C8orf34: variants seen among roughly 807,000 people sequenced by gnomAD.
C8orf34 encodes the protein uncharacterized protein C8orf34.
In C8orf34, 65 loss-of-function variants were observed where a neutral mutation model predicts 68.3. The observed-to-expected ratio is 0.95, with a 90% confidence interval of 0.78 to 1.17. The LOEUF is 1.17. C8orf34 is among the 50% of genes most tolerant of loss of function. C8orf34 has a pLI of 0.00. For missense variants in C8orf34, 664 were observed against 655.4 expected, an observed-to-expected ratio of 1.01 and a Z score of -0.14; for synonymous variants, 244 against 241.2, an observed-to-expected ratio of 1.01 and a Z score of -0.11.
rs139156278 is a variant in C8orf34, at chr8:68,724,404, C to G, written c.1404+2967C>G. ...CCATTTAAGGTAGTTTCAACACAGG[C>G]TGTCTCTATTTGCTAACTTTCCATG... is the stretch of plus-strand genomic sequence containing the variant. On this transcript the variant is annotated intron_variant, in intron 10 of 13. Coordinates refer to ENST00000518698, the MANE Select transcript of C8orf34 (RefSeq NM_052958.4). Among the ~76,000 whole-genome samples the G allele has an allele frequency of 2.5e-3, 383 of 152,254 alleles. 3 individuals are homozygous for G. Among genetic ancestry groups the G allele is most frequent in the African/African-American group, 9.1e-3 (378 of 41,544 alleles).
chr8:68,451,970 T>G (rs1328984147), intron 3 of C8orf34, among the ~76,000 whole-genome samples: 5 of 152,014 alleles, frequency 3.3e-5, no homozygotes, highest in African/African-American at 9.7e-5. Context: ...GAAATCACAA[T>G]GTATGACCTT....
At chr8:68,429,218 C>A (rs1810351212) in intron 1 of C8orf34, among the ~76,000 whole-genome samples, 1 of 151,966 alleles carries the variant, frequency 6.6e-6, no homozygotes, top group South Asian at 2.1e-4. Flanking sequence ...AAAAGAAAGG[C>A]ATTAAGTAGA....
At chr8:68,631,858 G>A (rs376248012) in intron 7 of C8orf34, among the ~76,000 whole-genome samples, 2 of 152,140 alleles carry the variant, frequency 1.3e-5, no homozygotes, top group African/African-American at 4.8e-5. Flanking sequence ...TAAGTTTCTT[G>A]AGACCTCCTC....
At chr8:68,812,501 G>C (rs1050358357) in intron 12 of C8orf34, among the ~76,000 whole-genome samples, 2 of 151,752 alleles carry the variant, frequency 1.3e-5, no homozygotes, top group Non-Finnish European at 2.9e-5. Flanking sequence ...TTCCATATTA[G>C]GACACATAGG....
chr8:68,362,620 C>T (rs557737928), intron 1 of C8orf34, among the ~76,000 whole-genome samples: 6 of 152,164 alleles, frequency 3.9e-5, no homozygotes, highest in South Asian at 2.1e-4. Context: ...GGAGGCACCC[C>T]CCAGCAGGGG....
intron 7 of C8orf34, among the ~76,000 whole-genome samples, chr8:68,592,591 C>G (rs1817423994): frequency 1.2e-5 from 1 of 86,492 alleles, no homozygotes; most frequent in African/African-American, 4.5e-5. Context: ...ATCAATTTAT[C>G]TCTTCTTTTT....
intron 13 of C8orf34, 131 bp downstream of exon 13, chr8:68,816,076 T>C: frequency 6.9e-7 from 1 of 1,455,518 alleles, no homozygotes; most frequent in Non-Finnish European, 9.4e-7. Context: ...TCTCCAAGTA[T>C]CCTGCATAAG....
intron 8 of C8orf34, among the ~76,000 whole-genome samples, chr8:68,656,725 C>G (rs1213393220): frequency 1.3e-5 from 2 of 152,158 alleles, no homozygotes; most frequent in Admixed American, 6.5e-5. Context: ...ATGCCTATCC[C>G]CTTTACTCCA....
chr8:68,472,335 G>A (rs1269037151), intron 4 of C8orf34, among the ~76,000 whole-genome samples: 1 of 152,092 alleles, frequency 6.6e-6, no homozygotes, highest in Non-Finnish European at 1.5e-5. Context: ...CATCTCAATA[G>A]TCATTTACTG....
chr8:68,520,617 A>ATTTTTTTTT (rs34335751), intron 5 of C8orf34, among the ~76,000 whole-genome samples: 1 of 134,258 alleles, frequency 7.4e-6, no homozygotes, highest in Non-Finnish European at 1.6e-5. Context: ...CGCCCGGCTA[A>ATTTTTTTTT]TTTTTTTTTT....
intron 8 of C8orf34, among the ~76,000 whole-genome samples, chr8:68,688,079 AC>A (rs1253615398): frequency 1.3e-5 from 2 of 152,128 alleles, no homozygotes; most frequent in African/African-American, 4.8e-5. Context: ...ATGATGGGAC[AC>A]CACCTTACTC....
At chr8:68,719,870 C>T (rs1821619646) in intron 9 of C8orf34, among the ~76,000 whole-genome samples, 1 of 151,888 alleles carries the variant, frequency 6.6e-6, no homozygotes, top group African/African-American at 2.4e-5. Flanking sequence ...ACAAGCAAAA[C>T]AAGAAACATA....
At chr8:68,345,142 T>A (rs1376807668) in intron 1 of C8orf34, among the ~76,000 whole-genome samples, 1 of 151,846 alleles carries the variant, frequency 6.6e-6, no homozygotes, top group East Asian at 1.9e-4. Flanking sequence ...ATTCCTAGAT[T>A]GGCTTAAAAA....
chr8:68,724,089 T>A (rs1480003794), intron 10 of C8orf34, among the ~76,000 whole-genome samples: 1 of 152,130 alleles, frequency 6.6e-6, no homozygotes, highest in Non-Finnish European at 1.5e-5. Context: ...AGCAGACAAT[T>A]TCTAGATGGT....
At chr8:68,464,267 G>C (rs970854664) in intron 3 of C8orf34, among the ~76,000 whole-genome samples, 1 of 152,066 alleles carries the variant, frequency 6.6e-6, no homozygotes, top group African/African-American at 2.4e-5. Context: ...TCTTCAAGGA[G>C]AACTACAAAC....
intron 10 of C8orf34, among the ~76,000 whole-genome samples, chr8:68,760,648 A>G (rs1442216553): frequency 6.6e-6 from 1 of 152,238 alleles, no homozygotes; most frequent in Admixed American, 6.5e-5. Flanking sequence ...AGGATTTCAT[A>G]ACTCACAGTA....
chr8:68,676,159 C>A (rs1393597773), intron 8 of C8orf34, among the ~76,000 whole-genome samples: 1 of 152,020 alleles, frequency 6.6e-6, no homozygotes, highest in Non-Finnish European at 1.5e-5. Context: ...CATGGTGAAA[C>A]CCCATCTCTA....
At chr8:68,760,726 C>G (rs572620561) in intron 10 of C8orf34, among the ~76,000 whole-genome samples, 1 of 152,150 alleles carries the variant, frequency 6.6e-6, no homozygotes, top group South Asian at 2.1e-4. Context: ...ATAATTTACA[C>G]TGAGGTTTAA....
chr8:68,761,219 A>G (rs1480857427), intron 10 of C8orf34, among the ~76,000 whole-genome samples: 3 of 152,194 alleles, frequency 2.0e-5, no homozygotes, highest in Non-Finnish European at 2.9e-5. Flanking sequence ...ATCTGCCTCA[A>G]TGTGGTGGCC....
Sources: allele counts gnomAD v4.1 joint callset (sites outside exome capture counted in the v4.1 genomes callset), GRCh38; gene constraint gnomAD v4.1.1; transcripts MANE v1.5; gene names NCBI Gene and HGNC (gene_info 2026-07-23, HGNC 2026-07-21).